Variants in SMC4 observed in about 807,000 individuals in gnomAD.
SMC4 encodes structural maintenance of chromosomes 4.
In SMC4, 87 loss-of-function variants were observed where a neutral mutation model predicts 145.6. That is an observed-to-expected ratio of 0.60 (90% CI 0.50 to 0.71). SMC4 has a LOEUF of 0.71. SMC4 is among the 30% of genes least tolerant of loss of function. The pLI, the probability that SMC4 is intolerant of heterozygous loss-of-function variation, is 0.00. For missense variants in SMC4, 1,447 were observed against 1,537.1 expected (o/e 0.94, Z 0.98); for synonymous variants, 558 against 500.7 (o/e 1.11, Z -1.53).
At chr3:160,429,677 C>T (rs1419799211) in intron 18 of SMC4, among the ~76,000 whole-genome samples, 1 of 146,362 alleles carries the variant, frequency 6.8e-6, no homozygotes, top group African/African-American at 2.5e-5. Flanking sequence ...TAGAAGATTT[C>T]ATTGTCCTTA....
In SMC4 at chr3:160,430,675, C is replaced by T. The variant is rs1352246181; in HGVS notation, c.2872C>T (p.Leu958=). ...AGATACTGAGAAAGAGGTGGATGACCTAACAGCAGAGCTGAAAAGTCTTGA... is the reference window on the plus strand; with the variant it reads ...AGATACTGAGAAAGAGGTGGATGACTTAACAGCAGAGCTGAAAAGTCTTGA... ...IKDTEKEVDD[L]TAELKSLEDK... Residue 958 remains leucine, a synonymous_variant, in exon 19 of 24, where the codon CTA becomes TTA. Transcript: ENST00000357388. 5 of 1,613,608 alleles carry T rather than the reference C, an allele frequency of 3.1e-6. No individual in the cohort carries two copies. The highest frequency in any genetic ancestry group is 4.2e-6 in the Non-Finnish European group (5 of 1,179,792).
rs746675929 is a variant in SMC4, at chr3:160,413,492, A to G, written c.1000A>G (p.Ile334Val). The G allele has an allele frequency of 3.8e-6, 6 of 1,586,304 alleles. No individual in the cohort carries two copies. The East Asian group carries it at 9.1e-5, about 24-fold the overall frequency. The change falls in exon 8 of 24, where the codon ATT (isoleucine) becomes GTT (valine). Residue 334 changes from isoleucine (I) to valine (V), a missense_variant. Coordinates refer to ENST00000357388, the MANE Select transcript of SMC4 (RefSeq NM_001002800.3). The part of the protein sequence containing the change: ...QYYIYELQKR[I>V]AEMETQKEKI... Reference sequence around the variant, plus strand: ...CTATAGTTATGAGTTGCAGAAACGAATTGCTGAAATGGAAACTCAAAAGGA... The same window carrying G: ...CTATAGTTATGAGTTGCAGAAACGAGTTGCTGAAATGGAAACTCAAAAGGA...
intron 21 of SMC4, 70 bp downstream of exon 21, chr3:160,431,895 GTTTTGTATAATTAAC>G: frequency 6.8e-7 from 1 of 1,473,594 alleles, no homozygotes; most frequent in Non-Finnish European, 9.2e-7. Flanking sequence ...CTGATCTTTA[GTTTTGTATAATTAAC>G]AATGCTGTTG....
chr3:160,404,584 A>G (rs1437087400), intron 5 of SMC4, 80 bp downstream of exon 5: 1 of 1,324,456 alleles, frequency 7.6e-7, no homozygotes, highest in Non-Finnish European at 1.1e-6. Flanking sequence ...TGAATCCTAC[A>G]TTTTTGAGGC....
chr3:160,433,875 TTA>T lies in SMC4; in HGVS notation c.*68_*69del. 3 of 1,249,228 alleles carry T rather than the reference TTA, an allele frequency of 2.4e-6. No individual in the cohort carries two copies. The highest frequency in any genetic ancestry group is 2.8e-5 in the South Asian group (2 of 71,712). 77.4% of individuals were successfully genotyped at this position (1,249,228 alleles called of 1,614,324 possible). On this transcript the variant is annotated 3_prime_UTR_variant, in exon 24 of 24. Transcript: ENST00000357388. The stretch of plus-strand genomic sequence containing the variant: ...CTGATTTTTTTCTATTTGTAAAGGA[TTA>T]TGAGTTGTATAAAATACATACTCCC...
chr3:160,420,677 A>G (rs1717066711), intron 12 of SMC4, 63 bp from the exon 13 acceptor site: 17 of 1,548,372 alleles, frequency 1.1e-5, no homozygotes, highest in Non-Finnish European at 1.4e-5. Context: ...TTAAAACTTG[A>G]TGAATGAAAT....
Position 160,400,800 on chromosome 3 carries a change from C to T in SMC4, c.-5-22C>T, listed in dbSNP as rs759422052. 58 of 1,495,798 alleles carry T rather than the reference C, an allele frequency of 3.9e-5. No individual in the cohort carries two copies. In the South Asian group the frequency reaches 4.2e-4, roughly 11 times the overall value. 92.7% of individuals were successfully genotyped at this position (1,495,798 alleles called of 1,614,324 possible). A position where few individuals can be genotyped will look rare whatever the true frequency, so the allele number is the denominator to read the frequency against. ...GTAGCGGCCCGCGGGCTGACTTGCT[C>T]CCGGCTGTCCCCCGGCCCCAGCGAC... is the stretch of plus-strand genomic sequence containing the variant. On this transcript the variant is annotated intron_variant, in intron 1 of 23. Coordinates refer to ENST00000357388, the MANE Select transcript of SMC4 (RefSeq NM_001002800.3).
At position 160,414,322 on chromosome 3, in the gene SMC4, T is replaced by G. The variant is rs759492992; in HGVS notation, c.1122-45T>G. 7.4e-6 allele frequency: 11 copies of G among 1,478,508 alleles called. No individual in the cohort carries two copies. In the Admixed American group the frequency reaches 1.7e-4, roughly 23 times the overall value. The allele number at this position is 1,478,508 out of a possible 1,614,324, so 91.6% of individuals were successfully genotyped here. On this transcript the variant is annotated intron_variant, in intron 8 of 23. Coordinates refer to ENST00000357388, the MANE Select transcript of SMC4 (RefSeq NM_001002800.3). ...AGGTAGGAAATGTGGTTTTAAAATA[T>G]GTGCACATTCAAAATAATGACTTAC... is the stretch of plus-strand genomic sequence containing the variant.
Position 160,417,871 on chromosome 3 carries a change from C to T in SMC4, c.1586C>T (p.Ala529Val). The change falls in exon 11 of 24, where the codon GCA (alanine) becomes GTA (valine). Residue 529 changes from alanine to valine, a missense_variant. Physicochemically the swap from Ala to Val is moderately conservative, Grantham distance 64. Transcript: ENST00000357388. ...QLTKAKEALI[A>V]ASETLKERKA... The stretch of plus-strand genomic sequence containing the variant: ...ACTAAGGCTAAGGAAGCTCTAATTG[C>T]AGCTTCTGAGACTCTCAAAGAAAGG... 6.2e-7 allele frequency: 1 copy of T among 1,613,578 alleles called. No individual in the cohort carries two copies. The highest frequency in any genetic ancestry group is 8.5e-7 in the Non-Finnish European group (1 of 1,179,720).
rs754076886 is a variant in SMC4 at position 160,423,448 on chromosome 3, G to A, written c.2043G>A (p.Met681Ile). 2.2e-5 allele frequency: 35 copies of A among 1,568,354 alleles called. No homozygotes were observed. The highest frequency in any genetic ancestry group is 3.0e-5 in the Non-Finnish European group (34 of 1,150,122). ...AGATGGCTGTATGGGCGAAAAAGATGACCGAAATTCAAACTCCTGAAAATA... is the reference window on the plus strand; with the variant it reads ...AGATGGCTGTATGGGCGAAAAAGATAACCGAAATTCAAACTCCTGAAAATA... Reference protein sequence around the residue: ...LDKMAVWAKKMTEIQTPENTP... With the variant: ...LDKMAVWAKKITEIQTPENTP... The change falls in exon 14 of 24, where the codon ATG (methionine) becomes ATA (isoleucine). Residue 681 changes from methionine (M) to isoleucine (I), a missense_variant. By Grantham distance (10) the Met-to-Ile change is conservative (BLOSUM62 1). Coordinates refer to ENST00000357388, the MANE Select transcript of SMC4 (RefSeq NM_001002800.3).
Position 160,401,783 on chromosome 3 carries a change from A to G in SMC4, c.140-132A>G, listed in dbSNP as rs1483088951. On this transcript the variant is annotated intron_variant, in intron 2 of 23. Coordinates refer to ENST00000357388, the MANE Select transcript of SMC4 (RefSeq NM_001002800.3). ...ATTTAAGTGGAAAATATAGACTCCT[A>G]AGTTTCATAAATAACATCCCTCCAT... is the stretch of plus-strand genomic sequence containing the variant. The G allele has an allele frequency of 1.0e-5, 7 of 676,900 alleles. No homozygotes were observed. In the East Asian group the frequency reaches 1.8e-4, roughly 17 times the overall value. The allele number at this position is 676,900 out of a possible 1,614,324, so 41.9% of individuals were successfully genotyped here. A position where few individuals can be genotyped will look rare whatever the true frequency, so the allele number is the denominator to read the frequency against.
intron 18 of SMC4, among the ~76,000 whole-genome samples, chr3:160,429,835 G>C (rs1204084342): frequency 6.7e-6 from 1 of 150,262 alleles, no homozygotes; most frequent in African/African-American, 2.5e-5. Context: ...TCCTGTCTCA[G>C]CCTCCCAAGT....
At chr3:160,420,935 ATTT>A in intron 13 of SMC4, 34 bp downstream of exon 13, 1 of 1,253,914 alleles carries the variant, frequency 8.0e-7, no homozygotes, top group Non-Finnish European at 1.1e-6. Context: ...TATAATTGGA[ATTT>A]TTTTTTTTTG....
At chr3:160,405,651 C>G (rs539404644) in intron 5 of SMC4, among the ~76,000 whole-genome samples, 1 of 152,008 alleles carries the variant, frequency 6.6e-6, no homozygotes, top group South Asian at 2.1e-4. Context: ...TTACCAGGCA[C>G]AGTATATTTG....
intron 7 of SMC4, chr3:160,412,894 T>G: frequency 1.3e-6 from 1 of 787,968 alleles, no homozygotes; most frequent in Non-Finnish European, 1.5e-6. Context: ...CTTTTACGTG[T>G]GCACTTTTTA....
intron 17 of SMC4, among the ~76,000 whole-genome samples, chr3:160,427,846 G>C (rs1717959998): frequency 6.6e-6 from 1 of 152,212 alleles, no homozygotes; most frequent in African/African-American, 2.4e-5. Flanking sequence ...CAGCACTTGG[G>C]AAGGCCAAGG....
At chr3:160,407,264 C>G (rs1307733448) in intron 5 of SMC4, among the ~76,000 whole-genome samples, 1 of 152,162 alleles carries the variant, frequency 6.6e-6, no homozygotes, top group East Asian at 1.9e-4. Context: ...GTTTGAAACA[C>G]GAACCAGGCT....
intron 10 of SMC4, 67 bp from the exon 11 acceptor site, chr3:160,417,656 G>A (rs1293999843): frequency 8.6e-7 from 1 of 1,169,232 alleles, no homozygotes; most frequent in Non-Finnish European, 1.2e-6. Flanking sequence ...TAAAATGTAT[G>A]GTTTCATTTC....
intron 11 of SMC4, among the ~76,000 whole-genome samples, chr3:160,418,390 A>G (rs1716808497): frequency 6.6e-6 from 1 of 152,178 alleles, no homozygotes; most frequent in African/African-American, 2.4e-5. Flanking sequence ...ACTAAGATGT[A>G]TAGCTTATCG....
Sources: allele counts gnomAD v4.1 joint callset (sites outside exome capture counted in the v4.1 genomes callset), GRCh38; gene constraint gnomAD v4.1.1; transcripts MANE v1.5; gene names NCBI Gene and HGNC (gene_info 2026-07-23, HGNC 2026-07-21).